Variants in SMOC1 observed in about 807,000 individuals in gnomAD.
SMOC1 encodes the protein SPARC-related modular calcium-binding protein 1.
Under a neutral mutation model 56.3 loss-of-function variants are expected in SMOC1, and 22 were observed. The observed-to-expected ratio is 0.39, with a 90% CI of 0.28 to 0.56. SMOC1 has a LOEUF of 0.56. SMOC1 is among the 20% of genes least tolerant of loss of function. The pLI is 0.61. For missense variants in SMOC1, 509 were observed against 565.4 expected, an observed-to-expected ratio of 0.90 and a Z score of 1.01; for synonymous variants, 193 against 215.0, an observed-to-expected ratio of 0.90 and a Z score of 0.89.
intron 1 of SMOC1, among the ~76,000 whole-genome samples, chr14:69,921,904 C>A (rs751183713): frequency 5.3e-5 from 8 of 152,186 alleles, no homozygotes; most frequent in Non-Finnish European, 1.0e-4. Flanking sequence ...CCCTTTCCAC[C>A]CCTGGACCCC....
chr14:69,891,371 C>A lies in SMOC1; in HGVS notation c.99+11594C>A, dbSNP rs1883954565. Among the ~76,000 whole-genome samples, 3 of 152,126 alleles carry A rather than the reference C, an allele frequency of 2.0e-5. No individual in the cohort carries two copies. The South Asian group carries it at 6.2e-4, about 32-fold the overall frequency. ...TCCTTTTTGTATATATTAAGGAATACATTATACATTTTTCATAAGATATTA... is the reference window on the plus strand; with the variant it reads ...TCCTTTTTGTATATATTAAGGAATAAATTATACATTTTTCATAAGATATTA... On this transcript the variant is annotated intron_variant, in intron 1 of 11. Transcript: ENST00000361956.
At chr14:69,984,812 G>A (rs577374470) in intron 5 of SMOC1, among the ~76,000 whole-genome samples, 7 of 150,290 alleles carry the variant, frequency 4.7e-5, no homozygotes, top group Admixed American at 2.7e-4. Context: ...AGCCGAGATC[G>A]CGCCACTGCA....
intron 1 of SMOC1, among the ~76,000 whole-genome samples, chr14:69,925,275 GTAGGGGAGC>G (rs1353281694): frequency 6.9e-6 from 1 of 145,358 alleles, no homozygotes; most frequent in East Asian, 2.0e-4. Context: ...AGGAAAAGAG[GTAGGGGAGC>G]TAGGGGAGGT....
In SMOC1 at chr14:69,952,261, C is replaced by T. The variant is rs370866589; in HGVS notation, c.223C>T (p.Arg75Ter). ...GTGTGAGTACCAGCGAGCCAAGTGC[C>T]GAGACCCGACCCTGGGCGTGGTGCA... ...SMCEYQRAKC[R>*]DPTLGVVHRG... The change falls in exon 2 of 12, where the codon CGA becomes TGA. Residue 75 changes from arginine (R) to a stop codon, truncating the protein, a stop_gained. Coordinates refer to ENST00000361956, the MANE Select transcript of SMOC1 (RefSeq NM_001034852.3). LOFTEE classifies it high-confidence loss of function. 8.7e-6 allele frequency: 14 copies of T among 1,614,066 alleles called. No individual in the cohort carries two copies. Among genetic ancestry groups the T allele is most frequent in the Admixed American group, 1.7e-5 (1 of 60,014 alleles).
At chr14:70,027,877 G>GC (rs562471660) in intron 11 of SMOC1, among the ~76,000 whole-genome samples, 145 of 152,224 alleles carry the variant, frequency 9.5e-4, no homozygotes, top group African/African-American at 3.2e-3. Flanking sequence ...TTTCAGAACT[G>GC]CCCCCTCCAT....
chr14:69,984,196 G>T (rs1396101582), intron 5 of SMOC1, among the ~76,000 whole-genome samples: 1 of 152,170 alleles, frequency 6.6e-6, no homozygotes, highest in Non-Finnish European at 1.5e-5. Flanking sequence ...CTAGCAATTG[G>T]ACATCCACAG....
intron 1 of SMOC1, among the ~76,000 whole-genome samples, chr14:69,924,516 T>C (rs750604963): frequency 6.6e-6 from 1 of 151,918 alleles, no homozygotes; most frequent in Non-Finnish European, 1.5e-5. Flanking sequence ...TGCCCTCTTA[T>C]GGCACCCGGG....
At chr14:70,019,690 G>GA (rs1392355130) in intron 10 of SMOC1, among the ~76,000 whole-genome samples, 1 of 152,154 alleles carries the variant, frequency 6.6e-6, no homozygotes, top group African/African-American at 2.4e-5. Context: ...AACTGTGATG[G>GA]AAAGTCTCCA....
At chr14:69,995,062 C>T (rs1884717977) in intron 7 of SMOC1, among the ~76,000 whole-genome samples, 1 of 152,198 alleles carries the variant, frequency 6.6e-6, no homozygotes, top group South Asian at 2.1e-4. Flanking sequence ...TGTTCATCAA[C>T]AGGAAAATGT....
rs922549382 is a variant in SMOC1 at position 69,901,046 on chromosome 14, T to C, written c.99+21269T>C. ...GCAGTTCTAAAAAGATGATGTCCAA[T>C]TCCATGGAAGACCAAGTCTTAAGGG... On this transcript the variant is annotated intron_variant, in intron 1 of 11. Transcript: ENST00000361956. 2.0e-5 allele frequency among the ~76,000 whole-genome samples: 3 copies of C among 152,218 alleles called. 1 individual carries two copies. Among genetic ancestry groups the C allele is most frequent in the Middle Eastern group, 6.3e-3 (2 of 316 alleles).
intron 3 of SMOC1, among the ~76,000 whole-genome samples, chr14:69,956,448 CT>C (rs3052655): frequency 0.06 from 7,824 of 130,698 alleles, 210 homozygotes; most frequent in Middle Eastern, 0.075. Context: ...CTTAGCTGGG[CT>C]TTTTTTTTTT....
At chr14:69,957,714 A>C (rs1342999359) in intron 3 of SMOC1, among the ~76,000 whole-genome samples, 2 of 152,206 alleles carry the variant, frequency 1.3e-5, no homozygotes, top group African/African-American at 4.8e-5. Flanking sequence ...TATACCCATC[A>C]CCCAGCTTCA....
intron 3 of SMOC1, among the ~76,000 whole-genome samples, chr14:69,972,225 A>G (rs145542779): frequency 6.6e-6 from 1 of 152,256 alleles, no homozygotes. Context: ...GACTGTCTCC[A>G]TGTAACTTCT....
chr14:69,885,250 C>G (rs1464174835), intron 1 of SMOC1: 2 of 810,100 alleles, frequency 2.5e-6, no homozygotes, highest in Non-Finnish European at 1.9e-6. Context: ...CGATTACTCT[C>G]TCCTTCGAAC....
chr14:70,026,804 C>A (rs534724204), intron 11 of SMOC1, among the ~76,000 whole-genome samples: 1 of 152,208 alleles, frequency 6.6e-6, no homozygotes, highest in South Asian at 2.1e-4. Flanking sequence ...TGTCTGTGTT[C>A]ATGTCTGTGT....
At chr14:69,943,038 G>C (rs191576314) in intron 1 of SMOC1, among the ~76,000 whole-genome samples, 1 of 152,110 alleles carries the variant, frequency 6.6e-6, no homozygotes, top group Admixed American at 6.5e-5. Context: ...GAGGGAAGTC[G>C]GGTGGGTGGG....
At chr14:69,884,205 C>A (rs555254678) in intron 1 of SMOC1, among the ~76,000 whole-genome samples, 2 of 152,130 alleles carry the variant, frequency 1.3e-5, no homozygotes, top group African/African-American at 4.8e-5. Flanking sequence ...CGCGCCCGGC[C>A]GAGCATTTTT....
chr14:69,924,721 AG>A (rs1380814732), intron 1 of SMOC1, among the ~76,000 whole-genome samples: 9 of 83,046 alleles, frequency 1.1e-4, no homozygotes, highest in African/African-American at 4.6e-4. Flanking sequence ...TAGGAGAGGT[AG>A]GGGAGGAGGA....
intron 1 of SMOC1, among the ~76,000 whole-genome samples, chr14:69,896,856 C>T (rs909737788): frequency 3.3e-5 from 5 of 152,192 alleles, no homozygotes; most frequent in Non-Finnish European, 7.3e-5. Context: ...TTCCCTTTTC[C>T]TGGCATGGTA....
Sources: allele counts gnomAD v4.1 joint callset (sites outside exome capture counted in the v4.1 genomes callset), GRCh38; gene constraint gnomAD v4.1.1; transcripts MANE v1.5; gene names NCBI Gene and HGNC (gene_info 2026-07-23, HGNC 2026-07-21).